The following YPEL5 variants were observed in gnomAD, a reference collection of about 807,000 sequenced individuals.
The protein encoded by YPEL5 is yippee like 5, also known as protein yippee-like 5.
YPEL5 carries 1 observed loss-of-function variant against 10.5 expected under a neutral mutation model. The ratio of observed to expected loss-of-function variants is 0.10; its 90% CI spans 0.03 to 0.45. The LOEUF is 0.45. YPEL5 is among the 20% of genes least tolerant of loss of function. The pLI, the probability that YPEL5 is intolerant of heterozygous loss-of-function variation, is 0.97. For synonymous variants in YPEL5, 61 were observed against 56.6 expected, an observed-to-expected ratio of 1.08 and a Z score of -0.35; for missense variants, 68 against 159.3, an observed-to-expected ratio of 0.43 and a Z score of 3.09.
intron 1 of YPEL5, chr2:30,147,671 C>G (rs1258833437): frequency 6.6e-6 from 1 of 152,560 alleles, no homozygotes; most frequent in East Asian, 1.9e-4. Context: ...CGGTGTCTCC[C>G]TTTGCCCCCT....
At chr2:30,151,795 G>T (rs931271152) in intron 1 of YPEL5, among the ~76,000 whole-genome samples, 4 of 152,146 alleles carry the variant, frequency 2.6e-5, no homozygotes, top group Admixed American at 6.5e-5. Context: ...ACAGTAAGCT[G>T]CCCCCAGAAT....
chr2:30,158,883 A>T lies in YPEL5; in HGVS notation c.*40A>T, dbSNP rs774811971. 1.4e-5 allele frequency: 23 copies of T among 1,600,734 alleles called. No individual in the cohort carries two copies. Among genetic ancestry groups the T allele is most frequent in the Non-Finnish European group, 2.0e-5 (23 of 1,170,298 alleles). ...ATCCATCTTTTCCCAGGTCTCCTTC[A>T]CTGAAAACAAAAATCTACTTACATA... is the stretch of plus-strand genomic sequence containing the variant. On this transcript the variant is annotated 3_prime_UTR_variant, in exon 3 of 3. Transcript: ENST00000261353.
At chr2:30,147,144 G>C (rs1675442284) in intron 1 of YPEL5, 82 bp downstream of exon 1, 1 of 152,330 alleles carries the variant, frequency 6.6e-6, no homozygotes, top group Non-Finnish European at 1.5e-5. Flanking sequence ...GAGGCACTCG[G>C]GAATCGGCCC....
intron 2 of YPEL5, 66 bp downstream of exon 2, chr2:30,156,858 AC>A (rs1676060370): frequency 6.4e-7 from 1 of 1,568,282 alleles, no homozygotes; most frequent in Non-Finnish European, 8.8e-7. Flanking sequence ...ACACCAGAAT[AC>A]CCCCTCAGAG....
chr2:30,155,029 G>A (rs987232486), intron 1 of YPEL5, among the ~76,000 whole-genome samples: 7 of 152,122 alleles, frequency 4.6e-5, no homozygotes, highest in African/African-American at 1.7e-4. Context: ...GTGAGCCACC[G>A]CACCTGGCCA....
Position 30,158,913 on chromosome 2 carries a change from GTC to G in YPEL5, c.*71_*72del, listed in dbSNP as rs1448552559. 1.3e-5 allele frequency: 18 copies of G among 1,431,718 alleles called. No individual in the cohort carries two copies. The East Asian group carries it at 2.6e-4, about 20-fold the overall frequency. 88.7% of individuals were successfully genotyped at this position (1,431,718 alleles called of 1,614,324 possible). Reference sequence around the variant, plus strand: ...AAACAAAAATCTACTTACATACACTGTCACCTTAGCATCAGAGTCGGATTAAT... The same window carrying G: ...AAACAAAAATCTACTTACATACACTGACCTTAGCATCAGAGTCGGATTAAT... On this transcript the variant is annotated 3_prime_UTR_variant, in exon 3 of 3. Coordinates refer to ENST00000261353, the MANE Select transcript of YPEL5 (RefSeq NM_016061.3).
chr2:30,153,681 C>T (rs1209151119), intron 1 of YPEL5, among the ~76,000 whole-genome samples: 1 of 152,216 alleles, frequency 6.6e-6, no homozygotes, highest in Non-Finnish European at 1.5e-5. Flanking sequence ...TTGCTTGCTT[C>T]TGCTAGATCC....
At chr2:30,151,205 G>A (rs1675774129) in intron 1 of YPEL5, among the ~76,000 whole-genome samples, 1 of 152,038 alleles carries the variant, frequency 6.6e-6, no homozygotes, top group African/African-American at 2.4e-5. Flanking sequence ...AGCAAACTAG[G>A]AAATTATGTA....
chr2:30,152,249 G>A (rs1005782616), intron 1 of YPEL5, among the ~76,000 whole-genome samples: 2 of 152,032 alleles, frequency 1.3e-5, no homozygotes, highest in Non-Finnish European at 2.9e-5. Flanking sequence ...GTCTCTATGA[G>A]CTTTTAGAAA....
intron 2 of YPEL5, 64 bp downstream of exon 2, chr2:30,156,856 A>G: frequency 6.3e-7 from 1 of 1,576,310 alleles, no homozygotes; most frequent in East Asian, 2.2e-5. Context: ...CAACACCAGA[A>G]TACCCCCTCA....
chr2:30,152,523 G>C (rs1675846146), intron 1 of YPEL5, among the ~76,000 whole-genome samples: 1 of 152,164 alleles, frequency 6.6e-6, no homozygotes, highest in Non-Finnish European at 1.5e-5. Context: ...ATTGCAGTTG[G>C]CATCAACCAA....
chr2:30,152,160 G>A (rs1010559864), intron 1 of YPEL5, among the ~76,000 whole-genome samples: 3 of 151,930 alleles, frequency 2.0e-5, no homozygotes, highest in African/African-American at 7.3e-5. Context: ...TTAATAAAGC[G>A]GTTTTTTTTT....
intron 1 of YPEL5, among the ~76,000 whole-genome samples, chr2:30,153,364 G>A (rs1404236468): frequency 3.3e-5 from 5 of 152,160 alleles, no homozygotes; most frequent in South Asian, 2.1e-4. Context: ...TTTTAGCTTC[G>A]TCCTCACATG....
At chr2:30,151,972 C>T (rs996562065) in intron 1 of YPEL5, among the ~76,000 whole-genome samples, 2 of 152,102 alleles carry the variant, frequency 1.3e-5, no homozygotes, top group South Asian at 2.1e-4. Flanking sequence ...TCAGTGGTTG[C>T]CAGTGGCTGG....
rs911049825 is a variant in YPEL5, at chr2:30,159,358, T to G, written c.*515T>G. 6.5e-6 allele frequency: 1 copy of G among 154,188 alleles called. No individual in the cohort carries two copies. The highest frequency in any genetic ancestry group is 2.4e-5 in the African/African-American group (1 of 41,446). The allele number at this position is 154,188 out of a possible 1,614,324, so 9.6% of individuals were successfully genotyped here. On this transcript the variant is annotated 3_prime_UTR_variant, in exon 3 of 3. Coordinates refer to ENST00000261353, the MANE Select transcript of YPEL5 (RefSeq NM_016061.3). The stretch of plus-strand genomic sequence containing the variant: ...TTGTGCTGGCCGGTGTGCCATATTC[T>G]TGTTGGAGATGAACCGTAGCACCAG...
chr2:30,158,631 C>A lies in YPEL5; in HGVS notation c.154C>A (p.Gln52Lys). 1 of 1,613,496 alleles carries A rather than the reference C, an allele frequency of 6.2e-7. No individual in the cohort carries two copies. The highest frequency in any genetic ancestry group is 8.5e-7 in the Non-Finnish European group (1 of 1,180,020). Residue 52 changes from glutamine to lysine, a missense_variant, in exon 3 of 3, where the codon CAG becomes AAG. By Grantham distance (53) the Gln-to-Lys change is moderately conservative. Transcript: ENST00000261353. ...AFLFNKVVNL[Q>K]YSEVQDRVML... ...TGTCCCTTGTTAGGTAGTTAACCTG[C>A]AGTACAGTGAAGTTCAAGATCGGGT...
chr2:30,152,911 G>GT (rs1675874268), intron 1 of YPEL5, among the ~76,000 whole-genome samples: 2 of 74,668 alleles, frequency 2.7e-5, no homozygotes, highest in African/African-American at 5.3e-5. Context: ...TTTTTTTTTG[G>GT]TTTTTTTGAG....
In YPEL5 at chr2:30,159,077, C is replaced by T; in HGVS notation, c.*234C>T. The T allele has an allele frequency of 1.9e-6, 1 of 522,390 alleles. No individual in the cohort carries two copies. The highest frequency in any genetic ancestry group is 3.4e-6 in the Non-Finnish European group (1 of 294,612). 32.4% of individuals were successfully genotyped at this position (522,390 alleles called of 1,614,324 possible). A position where few individuals can be genotyped will look rare whatever the true frequency, so the allele number is the denominator to read the frequency against. On this transcript the variant is annotated 3_prime_UTR_variant, in exon 3 of 3. Coordinates refer to ENST00000261353, the MANE Select transcript of YPEL5 (RefSeq NM_016061.3). ...ATGCAGATGCCGTTAATTTTTTACC[C>T]TATGTTTACATCTTGAGGCAGCAGA... is the stretch of plus-strand genomic sequence containing the variant.
chr2:30,158,513 C>A lies in YPEL5; in HGVS notation c.142-106C>A, dbSNP rs1399484176. ...ATAGGTTTGACTAAACTAACAAGTT[C>A]TTTCTCCTTTTCTGAAGTTGCTGTT... On this transcript the variant is annotated intron_variant, in intron 2 of 2. Transcript: ENST00000261353. 22 of 1,068,240 alleles carry A rather than the reference C, an allele frequency of 2.1e-5. No homozygotes were observed. The South Asian group carries it at 3.1e-4, about 15-fold the overall frequency. 66.2% of individuals were successfully genotyped at this position (1,068,240 alleles called of 1,614,324 possible).
Sources: allele counts gnomAD v4.1 joint callset (sites outside exome capture counted in the v4.1 genomes callset), GRCh38; gene constraint gnomAD v4.1.1; transcripts MANE v1.5; gene names NCBI Gene and HGNC (gene_info 2026-07-23, HGNC 2026-07-21).